The following SYNDIG1 variants were observed in gnomAD, a reference collection of about 807,000 sequenced individuals.
SYNDIG1 encodes synapse differentiation inducing 1, also known as synapse differentiation-inducing gene protein 1.
In SYNDIG1, 9 loss-of-function variants were observed where a neutral mutation model predicts 19.4. That is an observed-to-expected ratio of 0.46 (90% CI 0.28 to 0.81). The LOEUF (loss-of-function observed/expected upper bound fraction) is 0.81, where lower values mean the gene tolerates loss of function less well. SYNDIG1 is among the 30% of genes least tolerant of loss of function. The pLI is 0.12. For missense variants in SYNDIG1, 311 were observed against 343.3 expected, an observed-to-expected ratio of 0.91 and a Z score of 0.74; for synonymous variants, 141 against 145.9, an observed-to-expected ratio of 0.97 and a Z score of 0.24.
intron 1 of SYNDIG1, among the ~76,000 whole-genome samples, chr20:24,528,033 C>G (rs557049096): frequency 6.6e-6 from 1 of 152,236 alleles, no homozygotes; most frequent in Non-Finnish European, 1.5e-5. Context: ...GCAGCTCTGC[C>G]CCTTCAAGTA....
At chr20:24,569,170 T>G (rs539527359) in intron 2 of SYNDIG1, among the ~76,000 whole-genome samples, 5 of 152,218 alleles carry the variant, frequency 3.3e-5, no homozygotes, top group Admixed American at 1.3e-4. Flanking sequence ...GTTCCCCCTC[T>G]TTAGCCTTTA....
chr20:24,555,443 A>G (rs908022785), intron 2 of SYNDIG1, among the ~76,000 whole-genome samples: 8 of 151,742 alleles, frequency 5.3e-5, no homozygotes, highest in South Asian at 4.2e-4. Context: ...TGGGCATTTA[A>G]TGCTATAAAT....
Position 24,543,531 on chromosome 20 carries a change from C to A in SYNDIG1, c.434C>A (p.Thr145Asn). Reference protein sequence around the residue: ...DLSADDIKIHTLSYDVEEEEE... With the variant: ...DLSADDIKIHNLSYDVEEEEE... ...TCAGCTGATGACATAAAAATCCACA[C>A]CCTGTCCTACGATGTGGAGGAGGAG... Residue 145 changes from threonine to asparagine, a missense_variant, in exon 2 of 4, where the codon ACC becomes AAC. By Grantham distance (65) the Thr-to-Asn change is moderately conservative. Coordinates refer to ENST00000376862, the MANE Select transcript of SYNDIG1 (RefSeq NM_024893.3). 1 of 1,606,532 alleles carries A rather than the reference C, an allele frequency of 6.2e-7. No homozygotes were observed. The highest frequency in any genetic ancestry group is 8.5e-7 in the Non-Finnish European group (1 of 1,179,974).
chr20:24,625,614 C>T (rs1250721063), intron 3 of SYNDIG1, among the ~76,000 whole-genome samples: 1 of 151,894 alleles, frequency 6.6e-6, no homozygotes, highest in Non-Finnish European at 1.5e-5. Context: ...GCACATCTTG[C>T]ACCGCCCTTA....
chr20:24,509,715 TTAAA>T (rs1264982501), intron 1 of SYNDIG1, among the ~76,000 whole-genome samples: 1 of 152,344 alleles, frequency 6.6e-6, no homozygotes, highest in African/African-American at 2.4e-5. Context: ...GAATGATAGT[TTAAA>T]TAGGTGTAGA....
At chr20:24,550,369 A>G (rs985744719) in intron 2 of SYNDIG1, among the ~76,000 whole-genome samples, 7 of 152,114 alleles carry the variant, frequency 4.6e-5, no homozygotes, top group African/African-American at 1.7e-4. Flanking sequence ...GCTGGATTGT[A>G]TGGTAGTTCT....
chr20:24,532,709 G>A (rs887497557), intron 1 of SYNDIG1, among the ~76,000 whole-genome samples: 8 of 152,194 alleles, frequency 5.3e-5, no homozygotes, highest in African/African-American at 1.2e-4. Flanking sequence ...CCTTTCAGCC[G>A]TGAGCATCCA....
At chr20:24,607,115 T>G (rs901919499) in intron 3 of SYNDIG1, among the ~76,000 whole-genome samples, 4 of 152,142 alleles carry the variant, frequency 2.6e-5, no homozygotes, top group African/African-American at 7.2e-5. Flanking sequence ...ATCCCAGCAC[T>G]TTGGGAGGCT....
At chr20:24,620,008 C>A (rs2059014567) in intron 3 of SYNDIG1, among the ~76,000 whole-genome samples, 2 of 152,174 alleles carry the variant, frequency 1.3e-5, no homozygotes, top group African/African-American at 4.8e-5. Context: ...ATCCTGGCCA[C>A]CCTGGAGAGC....
rs117589533 is a variant in SYNDIG1 at position 24,655,260 on chromosome 20, G to A, written c.619-10086G>A. On this transcript the variant is annotated intron_variant, in intron 3 of 3. Coordinates refer to ENST00000376862, the MANE Select transcript of SYNDIG1 (RefSeq NM_024893.3). ...GTATTGAGAGGGTATTAATGGGTGT[G>A]GTAAAAACTATAGCAACTGAAGCCA... 1.1e-4 allele frequency among the ~76,000 whole-genome samples: 16 copies of A among 152,210 alleles called. No homozygotes were observed. The East Asian group carries it at 2.9e-3, about 28-fold the overall frequency.
At chr20:24,618,918 T>A (rs2058993140) in intron 3 of SYNDIG1, among the ~76,000 whole-genome samples, 1 of 152,170 alleles carries the variant, frequency 6.6e-6, no homozygotes, top group African/African-American at 2.4e-5. Flanking sequence ...GGCTTGTATT[T>A]CCTTAATTGC....
intron 3 of SYNDIG1, among the ~76,000 whole-genome samples, chr20:24,601,810 T>C (rs1428154852): frequency 1.3e-5 from 2 of 152,192 alleles, no homozygotes; most frequent in Non-Finnish European, 2.9e-5. Flanking sequence ...CTAAAGAACA[T>C]CCTTTAGAAT....
intron 1 of SYNDIG1, among the ~76,000 whole-genome samples, chr20:24,472,012 C>T (rs1231734040): frequency 6.6e-6 from 1 of 152,174 alleles, no homozygotes; most frequent in Non-Finnish European, 1.5e-5. Context: ...AAAAACCATT[C>T]CAAACTCACT....
At chr20:24,529,284 C>T (rs1308260803) in intron 1 of SYNDIG1, among the ~76,000 whole-genome samples, 1 of 152,046 alleles carries the variant, frequency 6.6e-6, no homozygotes, top group East Asian at 1.9e-4. Flanking sequence ...TTACTTGTAC[C>T]AACAGTGATG....
intron 3 of SYNDIG1, among the ~76,000 whole-genome samples, chr20:24,594,653 C>G (rs1398494775): frequency 6.6e-6 from 1 of 152,112 alleles, no homozygotes; most frequent in Non-Finnish European, 1.5e-5. Context: ...TCTTCCTATC[C>G]ATGAGCAGGA....
intron 1 of SYNDIG1, among the ~76,000 whole-genome samples, chr20:24,473,547 A>T (rs1369687593): frequency 6.6e-6 from 1 of 152,172 alleles, no homozygotes; most frequent in African/African-American, 2.4e-5. Flanking sequence ...ACCAGCTATG[A>T]TTCAGTGCCC....
chr20:24,498,513 A>G (rs1240845314), intron 1 of SYNDIG1, among the ~76,000 whole-genome samples: 2 of 151,924 alleles, frequency 1.3e-5, no homozygotes, highest in Admixed American at 6.6e-5. Context: ...CCCCATTCCC[A>G]TCTCCCGTTC....
At chr20:24,628,682 C>T in intron 3 of SYNDIG1, among the ~76,000 whole-genome samples, 1 of 152,224 alleles carries the variant, frequency 6.6e-6, no homozygotes, top group East Asian at 1.9e-4. Flanking sequence ...CCAGCAGAAC[C>T]CTTGGGGAGG....
intron 3 of SYNDIG1, among the ~76,000 whole-genome samples, chr20:24,599,072 A>C (rs1046395901): frequency 1.3e-5 from 2 of 152,240 alleles, no homozygotes; most frequent in African/African-American, 4.8e-5. Context: ...GAGGAAGAAA[A>C]TATTTGCAAA....
Sources: allele counts gnomAD v4.1 joint callset (sites outside exome capture counted in the v4.1 genomes callset), GRCh38; gene constraint gnomAD v4.1.1; transcripts MANE v1.5; gene names NCBI Gene and HGNC (gene_info 2026-07-23, HGNC 2026-07-21).